Variants in RAB3C observed in about 807,000 individuals in gnomAD.
RAB3C encodes the protein ras-related protein Rab-3C.
Under a neutral mutation model 26.4 loss-of-function variants are expected in RAB3C, and 17 were observed. The observed-to-expected ratio is 0.64, with a 90% CI of 0.44 to 0.97. RAB3C has a LOEUF of 0.97. Ranked by LOEUF, RAB3C falls within the 50% of genes least tolerant of loss-of-function variation. The pLI is 0.00. For missense variants in RAB3C, 242 were observed against 281.9 expected (o/e 0.86, Z 1.01); for synonymous variants, 91 against 95.9 (o/e 0.95, Z 0.30).
chr5:58,725,865 A>G (rs1205080806), intron 2 of RAB3C, 137 bp from the exon 3 acceptor site: 5 of 497,424 alleles, frequency 1.0e-5, no homozygotes, highest in Non-Finnish European at 1.8e-5. Context: ...AGGGGAAACA[A>G]GACCAAAAAA....
intron 4 of RAB3C, among the ~76,000 whole-genome samples, chr5:58,846,286 G>A (rs538942931): frequency 1.4e-4 from 22 of 152,210 alleles, no homozygotes; most frequent in Admixed American, 3.3e-4. Context: ...TTAAATGTGC[G>A]TAAGAAACCT....
At chr5:58,617,136 C>T (rs986231828) in intron 1 of RAB3C, among the ~76,000 whole-genome samples, 2 of 151,902 alleles carry the variant, frequency 1.3e-5, no homozygotes, top group Admixed American at 6.6e-5. Context: ...AAGACACTGC[C>T]CTTTATGTTA....
Position 58,624,162 on chromosome 5 carries a change from C to A in RAB3C, c.252+6292C>A, listed in dbSNP as rs550720441. On this transcript the variant is annotated intron_variant, in intron 2 of 4. Coordinates refer to ENST00000282878, the MANE Select transcript of RAB3C (RefSeq NM_138453.4). Reference sequence around the variant, plus strand: ...GCCAGGCACTGTGCCAGGCATTGGACATATAATGGTAGAGCACGCCAAGGG... The same window carrying A: ...GCCAGGCACTGTGCCAGGCATTGGAAATATAATGGTAGAGCACGCCAAGGG... Among the ~76,000 whole-genome samples the A allele has an allele frequency of 3.6e-4, 55 of 152,222 alleles. 1 individual carries two copies. The highest frequency in any genetic ancestry group is 3.6e-3 in the Admixed American group (55 of 15,298).
At chr5:58,782,023 A>G (rs1742280368) in intron 3 of RAB3C, among the ~76,000 whole-genome samples, 1 of 152,158 alleles carries the variant, frequency 6.6e-6, no homozygotes, top group Admixed American at 6.5e-5. Context: ...TTTTGAGTGC[A>G]TATCTTATCA....
rs563313702 is a variant in RAB3C at position 58,615,623 on chromosome 5, G to A, written c.25-2020G>A. On this transcript the variant is annotated intron_variant, in intron 1 of 4. Coordinates refer to ENST00000282878, the MANE Select transcript of RAB3C (RefSeq NM_138453.4). ...TTGGGGAAAGTTGACCTTAGTATGT[G>A]GGCTGGTGGGCCAAAAAAGAAAGTG... 7.9e-5 allele frequency among the ~76,000 whole-genome samples: 12 copies of A among 152,212 alleles called. 1 individual carries two copies. Among genetic ancestry groups the A allele is most frequent in the African/African-American group, 2.9e-4 (12 of 41,546 alleles).
At chr5:58,811,519 A>G (rs1028854961) in intron 3 of RAB3C, among the ~76,000 whole-genome samples, 2 of 152,152 alleles carry the variant, frequency 1.3e-5, no homozygotes, top group Non-Finnish European at 1.5e-5. Context: ...GGCTCTTCCA[A>G]ATCTGTTTTA....
intron 3 of RAB3C, among the ~76,000 whole-genome samples, chr5:58,785,212 C>T (rs936020214): frequency 1.3e-5 from 2 of 152,170 alleles, no homozygotes; most frequent in African/African-American, 2.4e-5. Context: ...ACGATGGAAA[C>T]GTCTACGGCA....
intron 2 of RAB3C, among the ~76,000 whole-genome samples, chr5:58,694,930 T>C (rs1378178584): frequency 6.6e-6 from 1 of 152,210 alleles, no homozygotes; most frequent in Non-Finnish European, 1.5e-5. Flanking sequence ...GGCTCTTTAG[T>C]TTAATTAGAT....
chr5:58,706,575 T>C (rs1413439659), intron 2 of RAB3C, among the ~76,000 whole-genome samples: 2 of 152,194 alleles, frequency 1.3e-5, no homozygotes, highest in Non-Finnish European at 1.5e-5. Context: ...TCCACAGACT[T>C]GCAGTAACTT....
chr5:58,592,637 A>G (rs1020118926), intron 1 of RAB3C, among the ~76,000 whole-genome samples: 1 of 152,096 alleles, frequency 6.6e-6, no homozygotes, highest in Non-Finnish European at 1.5e-5. Flanking sequence ...TCATCTGATA[A>G]TGGTTTTTTA....
At chr5:58,787,044 C>A (rs1256950554) in intron 3 of RAB3C, among the ~76,000 whole-genome samples, 1 of 152,104 alleles carries the variant, frequency 6.6e-6, no homozygotes, top group Non-Finnish European at 1.5e-5. Flanking sequence ...AACTAGACTC[C>A]TTCTCAGATC....
chr5:58,838,285 C>T (rs1200243129), intron 4 of RAB3C, among the ~76,000 whole-genome samples: 1 of 151,468 alleles, frequency 6.6e-6, no homozygotes, highest in African/African-American at 2.4e-5. Flanking sequence ...GAGGCTGAGG[C>T]AGGAGAATGG....
chr5:58,689,194 CCTGAACT>C (rs1748510816), intron 2 of RAB3C: 1 of 152,086 alleles, frequency 6.6e-6, no homozygotes, highest in Non-Finnish European at 1.5e-5. Context: ...GACTCCAGAA[CCTGAACT>C]CTTAATTATT....
intron 4 of RAB3C, among the ~76,000 whole-genome samples, chr5:58,844,820 C>T (rs562723404): frequency 2.3e-4 from 35 of 152,188 alleles, no homozygotes; most frequent in African/African-American, 8.4e-4. Flanking sequence ...AAAAATATCA[C>T]TTGTGATTTT....
At chr5:58,727,175 A>T (rs1025970802) in intron 3 of RAB3C, among the ~76,000 whole-genome samples, 1 of 151,966 alleles carries the variant, frequency 6.6e-6, no homozygotes, top group Non-Finnish European at 1.5e-5. Context: ...TTTTACATAT[A>T]TATCAGTTCA....
At chr5:58,738,521 G>C (rs947985629) in intron 3 of RAB3C, among the ~76,000 whole-genome samples, 5 of 146,826 alleles carry the variant, frequency 3.4e-5, no homozygotes, top group Admixed American at 2.1e-4. Context: ...AGAATAGAGA[G>C]AGACACTTGT....
chr5:58,834,524 C>T (rs1743691927), intron 4 of RAB3C, among the ~76,000 whole-genome samples: 1 of 152,226 alleles, frequency 6.6e-6, no homozygotes, highest in Non-Finnish European at 1.5e-5. Flanking sequence ...CTCTGTTCTT[C>T]AGCAGCTTTT....
chr5:58,705,367 C>T (rs1006406217), intron 2 of RAB3C, among the ~76,000 whole-genome samples: 9 of 152,116 alleles, frequency 5.9e-5, no homozygotes, highest in African/African-American at 2.2e-4. Context: ...GAACTAGATT[C>T]TTCTGTCTTA....
chr5:58,696,075 A>G (rs778404119), intron 2 of RAB3C, among the ~76,000 whole-genome samples: 3 of 151,974 alleles, frequency 2.0e-5, no homozygotes, highest in Non-Finnish European at 2.9e-5. Flanking sequence ...TAAATAACTC[A>G]TATTATTTTG....
Sources: allele counts gnomAD v4.1 joint callset (sites outside exome capture counted in the v4.1 genomes callset), GRCh38; gene constraint gnomAD v4.1.1; transcripts MANE v1.5; gene names NCBI Gene and HGNC (gene_info 2026-07-23, HGNC 2026-07-21).